Variants in EPM2A observed in about 807,000 individuals in gnomAD.
EPM2A encodes laforin.
Under a neutral mutation model 26.5 loss-of-function variants are expected in EPM2A, and 21 were observed. That is an observed-to-expected ratio of 0.79 (90% CI 0.56 to 1.14). The LOEUF is 1.14. EPM2A is among the 50% of genes most tolerant of loss of function. The pLI is 0.00. For missense variants in EPM2A, 458 were observed against 440.8 expected (o/e 1.04, Z -0.35); for synonymous variants, 217 against 177.6 (o/e 1.22, Z -1.76).
At chr6:145,419,849 CA>C (rs1778759555) in intron 4 of EPM2A, among the ~76,000 whole-genome samples, 1 of 151,746 alleles carries the variant, frequency 6.6e-6, no homozygotes, top group Non-Finnish European at 1.5e-5. Flanking sequence ...ATGAATGATA[CA>C]AATAATAGTT....
At chr6:145,472,542 A>C (rs1189945906) in intron 4 of EPM2A, among the ~76,000 whole-genome samples, 1 of 152,028 alleles carries the variant, frequency 6.6e-6, no homozygotes, top group Non-Finnish European at 1.5e-5. Context: ...ACTGCCCTGA[A>C]GAGTGAGTTC....
At chr6:145,437,924 A>T (rs79344726) in intron 4 of EPM2A, among the ~76,000 whole-genome samples, 1 of 152,370 alleles carries the variant, frequency 6.6e-6, no homozygotes, top group East Asian at 1.9e-4. Context: ...AATGAAAAAA[A>T]TTAATATGCT....
At position 145,517,739 on chromosome 6, in the gene EPM2A, C is replaced by G. The variant is rs1023779989; in HGVS notation, c.341-15164G>C. On this transcript the variant is annotated intron_variant, in intron 2 of 3. Transcript: ENST00000450221. ...GTGCATAGCATATTATCCCCAGGAG[C>G]CAGGCAGGCACTTAAAGATGCACAT... Among the ~76,000 whole-genome samples, 7 of 152,236 alleles carry G rather than the reference C, an allele frequency of 4.6e-5. No homozygotes were observed. The East Asian group carries it at 1.4e-3, about 29-fold the overall frequency.
chr6:145,552,832 T>C (rs1780673857), intron 2 of EPM2A, among the ~76,000 whole-genome samples: 2 of 152,080 alleles, frequency 1.3e-5, no homozygotes, highest in East Asian at 3.9e-4. Flanking sequence ...AAACATTTCC[T>C]CAAAAAGATT....
intron 2 of EPM2A, among the ~76,000 whole-genome samples, chr6:145,583,230 C>G (rs1283490610): frequency 6.6e-6 from 1 of 152,196 alleles, no homozygotes; most frequent in East Asian, 1.9e-4. Flanking sequence ...AGAAGACACT[C>G]TGGCTTTTTG....
At chr6:145,702,036 A>C (rs769577249) in intron 1 of EPM2A, among the ~76,000 whole-genome samples, 12 of 151,988 alleles carry the variant, frequency 7.9e-5, no homozygotes, top group Non-Finnish European at 1.8e-4. Flanking sequence ...AATCTCCCCA[A>C]ATCCCTCCTC....
chr6:145,631,265 A>G (rs1776230906), intron 3 of EPM2A: 1 of 152,136 alleles, frequency 6.6e-6, no homozygotes, highest in Admixed American at 6.6e-5. Flanking sequence ...AGCTCAACAA[A>G]GCCAGTGTCA....
At chr6:145,518,947 AGAG>A (rs1780168210) in intron 2 of EPM2A, among the ~76,000 whole-genome samples, 1 of 46,044 alleles carries the variant, frequency 2.2e-5, no homozygotes, top group Non-Finnish European at 5.1e-5. Context: ...AAGCAGTGAG[AGAG>A]AAAGAGTAAA....
chr6:145,515,141 G>C (rs1398944016), intron 2 of EPM2A, among the ~76,000 whole-genome samples: 1 of 152,168 alleles, frequency 6.6e-6, no homozygotes, highest in Non-Finnish European at 1.5e-5. Context: ...AAGGGTATGG[G>C]TATTGTTGGT....
intron 1 of EPM2A, among the ~76,000 whole-genome samples, chr6:145,702,984 G>C (rs1167336039): frequency 6.6e-6 from 1 of 151,860 alleles, no homozygotes; most frequent in African/African-American, 2.4e-5. Flanking sequence ...TCTTCTTATT[G>C]GTTTATTCCT....
chr6:145,420,063 G>C (rs1440099960), intron 4 of EPM2A, among the ~76,000 whole-genome samples: 1 of 151,994 alleles, frequency 6.6e-6, no homozygotes, highest in African/African-American at 2.4e-5. Context: ...GCTTTGACAG[G>C]ATCATCTTCT....
intron 1 of EPM2A, among the ~76,000 whole-genome samples, chr6:145,720,161 C>A (rs1032664132): frequency 2.6e-5 from 4 of 152,096 alleles, no homozygotes; most frequent in Non-Finnish European, 2.9e-5. Context: ...ATTTCAGATT[C>A]AAACTTCTAA....
At chr6:145,406,009 CACACAA>C (rs1294932401) in intron 4 of EPM2A, among the ~76,000 whole-genome samples, 13 of 150,702 alleles carry the variant, frequency 8.6e-5, no homozygotes, top group Admixed American at 2.7e-4. Flanking sequence ...CACACACACA[CACACAA>C]CAGACAGACA....
At chr6:145,712,246 C>G (rs1026842873) in intron 1 of EPM2A, among the ~76,000 whole-genome samples, 12 of 152,054 alleles carry the variant, frequency 7.9e-5, no homozygotes, top group Non-Finnish European at 1.8e-4. Flanking sequence ...AATAAAAATT[C>G]TTCTTGATAG....
At chr6:145,718,087 A>T in intron 1 of EPM2A, among the ~76,000 whole-genome samples, 1 of 151,892 alleles carries the variant, frequency 6.6e-6, no homozygotes, top group Non-Finnish European at 1.5e-5. Flanking sequence ...CAGGCTACCA[A>T]TGACTTTCTT....
At chr6:145,438,707 C>G (rs188217636) in intron 4 of EPM2A, among the ~76,000 whole-genome samples, 1 of 152,032 alleles carries the variant, frequency 6.6e-6, no homozygotes, top group East Asian at 1.9e-4. Flanking sequence ...CTCCTGACCT[C>G]GTGATCCACC....
At chr6:145,656,446 C>T (rs1332601778) in intron 2 of EPM2A, among the ~76,000 whole-genome samples, 1 of 152,114 alleles carries the variant, frequency 6.6e-6, no homozygotes, top group Admixed American at 6.5e-5. Flanking sequence ...CCTAGTGGGC[C>T]CTGAAACTAA....
chr6:145,588,627 T>C (rs926777887), intron 2 of EPM2A, among the ~76,000 whole-genome samples: 3 of 152,218 alleles, frequency 2.0e-5, no homozygotes, highest in Non-Finnish European at 1.5e-5. Context: ...ATAAAAACAC[T>C]CCCATTTTGT....
At chr6:145,462,031 T>TG (rs1172590932) in intron 4 of EPM2A, among the ~76,000 whole-genome samples, 15 of 152,214 alleles carry the variant, frequency 9.9e-5, no homozygotes, top group African/African-American at 3.1e-4. Context: ...TTACCAGCTG[T>TG]GGGACCATGG....
Sources: allele counts gnomAD v4.1 joint callset (sites outside exome capture counted in the v4.1 genomes callset), GRCh38; gene constraint gnomAD v4.1.1; transcripts MANE v1.5; gene names NCBI Gene and HGNC (gene_info 2026-07-23, HGNC 2026-07-21).